The following KYNU variants were observed in gnomAD, a reference collection of about 807,000 sequenced individuals.
The protein encoded by KYNU is L-kynurenine hydrolase.
In KYNU, 54 loss-of-function variants were observed where a neutral mutation model predicts 59.2. The ratio of observed to expected loss-of-function variants is 0.91; its 90% CI spans 0.73 to 1.14. The LOEUF is 1.14. Among genes scored for constraint, KYNU ranks in the 50% most tolerant of loss-of-function variants. The pLI is 0.00. For synonymous variants in KYNU, 177 were observed against 192.0 expected (o/e 0.92, Z 0.65); for missense variants, 567 against 554.4 (o/e 1.02, Z -0.23).
At chr2:142,974,995 T>G (rs541450918) in intron 8 of KYNU, among the ~76,000 whole-genome samples, 1 of 152,272 alleles carries the variant, frequency 6.6e-6, no homozygotes, top group Admixed American at 6.5e-5. Flanking sequence ...GTAATAAAAT[T>G]CTAATGATAA....
intron 10 of KYNU, among the ~76,000 whole-genome samples, chr2:143,014,799 A>G (rs1482105001): frequency 2.0e-5 from 3 of 152,258 alleles, no homozygotes; most frequent in Non-Finnish European, 4.4e-5. Flanking sequence ...CTCTGAATCC[A>G]TACAGTTTTC....
intron 4 of KYNU, chr2:142,947,073 A>C: frequency 6.4e-7 from 1 of 1,550,866 alleles, no homozygotes; most frequent in Non-Finnish European, 8.7e-7. Flanking sequence ...CCTGTGACTA[A>C]TGTCAAACAA....
At chr2:142,941,760 G>A (rs1433345657) in intron 4 of KYNU, among the ~76,000 whole-genome samples, 3 of 152,116 alleles carry the variant, frequency 2.0e-5, no homozygotes, top group Non-Finnish European at 2.9e-5. Context: ...CATCTTTATC[G>A]ATAAAGGAGC....
rs1374111635 is a variant in KYNU at position 143,042,658 on chromosome 2, A to G, written c.*486A>G. 2 of 142,182 alleles carry G rather than the reference A, an allele frequency of 1.4e-5. No individual in the cohort carries two copies. The highest frequency in any genetic ancestry group is 2.2e-4 in the South Asian group (1 of 4,470). The allele number at this position is 142,182 out of a possible 1,614,324, so 8.8% of individuals were successfully genotyped here. The stretch of plus-strand genomic sequence containing the variant: ...TGTGTGTGTGTGTGTGTATATATAT[A>G]TATATATATCATATATATATGATAG... On this transcript the variant is annotated 3_prime_UTR_variant, in exon 14 of 14. Transcript: ENST00000264170.
Position 143,020,486 on chromosome 2 carries a change from A to G in KYNU, c.903-9141A>G, listed in dbSNP as rs1022388993. Reference sequence around the variant, plus strand: ...TCTAGTTTTATTCCCTTATGATCAGAAAAGATACTTGATATGACTGCAACA... The same window carrying G: ...TCTAGTTTTATTCCCTTATGATCAGGAAAGATACTTGATATGACTGCAACA... On this transcript the variant is annotated intron_variant, in intron 10 of 13. Coordinates refer to ENST00000264170, the MANE Select transcript of KYNU (RefSeq NM_003937.3). 4.6e-5 allele frequency among the ~76,000 whole-genome samples: 7 copies of G among 152,170 alleles called. No homozygotes were observed. The South Asian group carries it at 1.4e-3, about 31-fold the overall frequency.
intron 2 of KYNU, among the ~76,000 whole-genome samples, chr2:142,899,422 C>A (rs150247831): frequency 1.3e-5 from 2 of 152,100 alleles, no homozygotes; most frequent in Admixed American, 6.5e-5. Flanking sequence ...AAGGTGGGTG[C>A]AGTCACCTTC....
intron 2 of KYNU, among the ~76,000 whole-genome samples, chr2:142,902,954 T>A (rs548867330): frequency 6.6e-6 from 1 of 152,278 alleles, no homozygotes; most frequent in South Asian, 2.1e-4. Context: ...GAAAAAGGCA[T>A]CCTTAAGGTC....
intron 10 of KYNU, among the ~76,000 whole-genome samples, chr2:143,025,164 A>G (rs914421591): frequency 2.6e-5 from 4 of 151,998 alleles, no homozygotes; most frequent in African/African-American, 9.7e-5. Context: ...AACGCATGGA[A>G]TATTATTTCA....
At position 142,918,026 on chromosome 2, in the gene KYNU, A is replaced by T. The variant is rs543912876; in HGVS notation, c.170-583A>T. Among the ~76,000 whole-genome samples the T allele has an allele frequency of 1.7e-4, 26 of 152,358 alleles. No homozygotes were observed. In the South Asian group the frequency reaches 5.0e-3, roughly 29 times the overall value. ...GTGGGTTAACTGTAGGATAAAAATC[A>T]TCAAAGTTTGATTTATATGAATAAG... On this transcript the variant is annotated intron_variant, in intron 2 of 13. Coordinates refer to ENST00000264170, the MANE Select transcript of KYNU (RefSeq NM_003937.3).
rs370831537 is a variant in KYNU, at chr2:143,010,146, C to G, written c.903-19481C>G. On this transcript the variant is annotated intron_variant, in intron 10 of 13. Coordinates refer to ENST00000264170, the MANE Select transcript of KYNU (RefSeq NM_003937.3). The stretch of plus-strand genomic sequence containing the variant: ...GTCCCTGTTTGCAGATGACATGATT[C>G]TATATCTAGAAAACCCCATTGTCTC... Among the ~76,000 whole-genome samples the G allele has an allele frequency of 2.7e-3, 369 of 138,506 alleles. 3 individuals are homozygous for G. The highest frequency in any genetic ancestry group is 7.4e-3 in the Middle Eastern group (2 of 270). 90.9% of individuals were successfully genotyped at this position (138,506 alleles called of 152,430 possible). A position where few individuals can be genotyped will look rare whatever the true frequency, so the allele number is the denominator to read the frequency against.
chr2:142,933,442 A>C (rs977220650), intron 4 of KYNU, among the ~76,000 whole-genome samples: 7 of 152,110 alleles, frequency 4.6e-5, no homozygotes, highest in African/African-American at 1.7e-4. Context: ...TGGTTTGGCA[A>C]GTAGAGCGAA....
chr2:142,980,481 G>C (rs1354752160), intron 8 of KYNU, among the ~76,000 whole-genome samples: 1 of 152,130 alleles, frequency 6.6e-6, no homozygotes, highest in Non-Finnish European at 1.5e-5. Context: ...TCAAGATGGA[G>C]TTGCTCTGAT....
chr2:142,976,302 G>C (rs1032338366), intron 8 of KYNU, among the ~76,000 whole-genome samples: 1 of 152,118 alleles, frequency 6.6e-6, no homozygotes, highest in African/African-American at 2.4e-5. Flanking sequence ...CCCACCTGGG[G>C]CCCTTTCTTT....
At chr2:142,898,547 T>C (rs79997773) in intron 2 of KYNU, among the ~76,000 whole-genome samples, 1,548 of 152,222 alleles carry the variant, frequency 0.01, 23 homozygotes, top group African/African-American at 0.036. Context: ...TAAAGCAAAA[T>C]ATGGTACAAA....
At chr2:143,033,751 C>T in intron 12 of KYNU, among the ~76,000 whole-genome samples, 1 of 152,142 alleles carries the variant, frequency 6.6e-6, no homozygotes, top group East Asian at 1.9e-4. Context: ...TTACTAGGGA[C>T]TGTACTTTTT....
intron 10 of KYNU, among the ~76,000 whole-genome samples, chr2:143,016,956 T>C (rs1686265556): frequency 6.6e-6 from 1 of 152,150 alleles, no homozygotes; most frequent in African/African-American, 2.4e-5. Context: ...CGTTCCCATC[T>C]TTATGTCCAT....
chr2:143,008,913 G>C (rs1429195662), intron 10 of KYNU, among the ~76,000 whole-genome samples: 1 of 38,844 alleles, frequency 2.6e-5, no homozygotes, highest in African/African-American at 1.5e-4. Context: ...AAAGCAGTGT[G>C]TAGAGGGAAA....
chr2:142,996,171 T>C (rs1325337718), intron 10 of KYNU, among the ~76,000 whole-genome samples: 2 of 152,022 alleles, frequency 1.3e-5, no homozygotes, highest in South Asian at 2.1e-4. Context: ...AATTGTAGTA[T>C]GGTCGAGCTC....
chr2:142,903,645 C>A (rs926775976), intron 2 of KYNU, among the ~76,000 whole-genome samples: 1 of 152,068 alleles, frequency 6.6e-6, no homozygotes, highest in Non-Finnish European at 1.5e-5. Flanking sequence ...TAAGCATACC[C>A]GGGGCTCTGT....
Sources: gnomAD v4.1 joint callset for allele counts (sites outside exome capture counted in the v4.1 genomes callset) on GRCh38, gnomAD v4.1.1 for gene constraint, MANE v1.5 for transcripts, NCBI Gene and HGNC (gene_info 2026-07-23, HGNC 2026-07-21) for gene names.